SFXN5: variants seen among roughly 807,000 people sequenced by gnomAD.
The protein encoded by SFXN5 is sideroflexin 5, also known as sideroflexin-5.
SFXN5 carries 43 observed loss-of-function variants against 50.2 expected under a neutral mutation model. The observed-to-expected ratio is 0.86, with a 90% CI of 0.67 to 1.11. SFXN5 has a LOEUF of 1.11. Ranked by LOEUF, SFXN5 falls within the 50% of genes least tolerant of loss-of-function variation. The pLI, the probability that SFXN5 is intolerant of heterozygous loss-of-function variation, is 0.00. For synonymous variants in SFXN5, 203 were observed against 185.8 expected, an observed-to-expected ratio of 1.09 and a Z score of -0.75; for missense variants, 463 against 454.1, an observed-to-expected ratio of 1.02 and a Z score of -0.18.
At chr2:73,052,202 C>G (rs1437671654) in intron 2 of SFXN5, among the ~76,000 whole-genome samples, 2 of 152,112 alleles carry the variant, frequency 1.3e-5, no homozygotes, top group East Asian at 3.8e-4. Context: ...ATCCAGGAAG[C>G]CCTCGTTCCT....
chr2:73,066,264 A>C (rs994080326), intron 1 of SFXN5, among the ~76,000 whole-genome samples: 1 of 152,184 alleles, frequency 6.6e-6, no homozygotes, highest in African/African-American at 2.4e-5. Flanking sequence ...ACAGATTAAA[A>C]GATACAAAAG....
In SFXN5 at chr2:72,996,138, C is replaced by T. The variant is rs754366169; in HGVS notation, c.534+2811G>A. Among the ~76,000 whole-genome samples the T allele has an allele frequency of 3.0e-4, 45 of 152,248 alleles. 1 individual carries two copies. Among genetic ancestry groups the T allele is most frequent in the South Asian group, 2.1e-4 (1 of 4,818 alleles). On this transcript the variant is annotated intron_variant, in intron 9 of 13. Coordinates refer to ENST00000272433, the MANE Select transcript of SFXN5 (RefSeq NM_144579.3). ...ACACTAAGGGGACAGGGACACAGTG[C>T]GACTGAGTGTGAGTGGGGAGGACAG...
intron 13 of SFXN5, among the ~76,000 whole-genome samples, chr2:72,957,311 A>G (rs1471581584): frequency 6.6e-6 from 1 of 152,226 alleles, no homozygotes; most frequent in Non-Finnish European, 1.5e-5. Flanking sequence ...TCCAATAGAT[A>G]TCTGGCAAAT....
At chr2:72,987,646 T>C (rs1407238237) in intron 10 of SFXN5, among the ~76,000 whole-genome samples, 1 of 151,928 alleles carries the variant, frequency 6.6e-6, no homozygotes, top group Non-Finnish European at 1.5e-5. Context: ...TCCCAGCTAC[T>C]TGGGAGCCTG....
chr2:73,023,461 A>G (rs1426121389), intron 3 of SFXN5, among the ~76,000 whole-genome samples: 1 of 152,126 alleles, frequency 6.6e-6, no homozygotes, highest in Admixed American at 6.5e-5. Context: ...TTAAGCCAGG[A>G]ATTCTCAACT....
intron 10 of SFXN5, among the ~76,000 whole-genome samples, chr2:72,979,368 T>A (rs754833949): frequency 0.063 from 9,540 of 152,218 alleles, 379 homozygotes; most frequent in East Asian, 0.17. Flanking sequence ...GTGCAGTGGC[T>A]CATGCCTGTA....
intron 6 of SFXN5, among the ~76,000 whole-genome samples, chr2:73,008,456 C>G (rs920547972): frequency 3.9e-5 from 6 of 152,154 alleles, no homozygotes; most frequent in Admixed American, 2.6e-4. Flanking sequence ...GAGGGAAACC[C>G]AGGCCCTGGC....
chr2:73,059,337 G>C (rs763374361), intron 1 of SFXN5: 8 of 985,428 alleles, frequency 8.1e-6, no homozygotes, highest in Non-Finnish European at 9.6e-6. Flanking sequence ...TGCCAAGCTC[G>C]GGGATGAAGG....
chr2:73,059,708 A>G (rs986167143), intron 1 of SFXN5: 2 of 965,202 alleles, frequency 2.1e-6, no homozygotes, highest in Non-Finnish European at 2.4e-6. Context: ...GCTTTGGTCC[A>G]TTCCTAACAG....
intron 2 of SFXN5, among the ~76,000 whole-genome samples, chr2:73,046,123 T>C (rs114146751): frequency 0.011 from 1,731 of 152,274 alleles, 31 homozygotes; most frequent in African/African-American, 0.039. Flanking sequence ...AAAAGCGATA[T>C]GTTGGCCGGG....
chr2:73,004,492 A>G (rs112131781), intron 6 of SFXN5, among the ~76,000 whole-genome samples: 1,961 of 152,262 alleles, frequency 0.013, 34 homozygotes, highest in African/African-American at 0.043. Context: ...ACATCCAAAC[A>G]GGAGTTTAGG....
Position 73,055,355 on chromosome 2 carries a change from T to C in SFXN5, c.171+3173A>G, listed in dbSNP as rs189275836. Among the ~76,000 whole-genome samples the C allele has an allele frequency of 2.6e-5, 4 of 152,356 alleles. No homozygotes were observed. The East Asian group carries it at 7.7e-4, about 29-fold the overall frequency. On this transcript the variant is annotated intron_variant, in intron 2 of 13. Coordinates refer to ENST00000272433, the MANE Select transcript of SFXN5 (RefSeq NM_144579.3). ...GGCTCCATCACTTGCCAGAACCATA[T>C]GCATGAGGCTTAACTTCCAGTCTGT...
intron 9 of SFXN5, among the ~76,000 whole-genome samples, chr2:72,996,334 C>A (rs1359758071): frequency 6.6e-6 from 1 of 152,092 alleles, no homozygotes; most frequent in Non-Finnish European, 1.5e-5. Flanking sequence ...CTCTGGGAAC[C>A]CCAGAGGGCT....
chr2:73,040,595 C>T (rs966728039), intron 3 of SFXN5, among the ~76,000 whole-genome samples: 3 of 152,240 alleles, frequency 2.0e-5, no homozygotes, highest in Admixed American at 6.5e-5. Flanking sequence ...AATCAGCTCT[C>T]GCAAGCCAGT....
chr2:73,028,881 G>A (rs1157972759), intron 3 of SFXN5, among the ~76,000 whole-genome samples: 1 of 152,162 alleles, frequency 6.6e-6, no homozygotes, highest in East Asian at 1.9e-4. Flanking sequence ...AAAAGAGGGA[G>A]GGGACAAACC....
chr2:73,036,084 C>T (rs1025269125), intron 3 of SFXN5, among the ~76,000 whole-genome samples: 4 of 152,212 alleles, frequency 2.6e-5, no homozygotes, highest in African/African-American at 9.7e-5. Flanking sequence ...TGAGAGCAGG[C>T]GCAGAGCCCA....
chr2:72,968,080 C>T (rs1367728778), intron 12 of SFXN5, among the ~76,000 whole-genome samples: 1 of 151,020 alleles, frequency 6.6e-6, no homozygotes, highest in Non-Finnish European at 1.5e-5. Context: ...CACAAATGGT[C>T]CTGTACATAC....
rs190084184 is a variant in SFXN5, at chr2:72,985,998, C to T, written c.625+2260G>A. On this transcript the variant is annotated intron_variant, in intron 10 of 13. Transcript: ENST00000272433. ...GGCTAGGGACAGATTACATCTTGGC[C>T]GAATCCCAGATCCAGCCCAGTGCAG... 3.3e-4 allele frequency among the ~76,000 whole-genome samples: 51 copies of T among 152,320 alleles called. 1 individual carries two copies. The East Asian group carries it at 7.9e-3, about 24-fold the overall frequency.
At chr2:73,018,502 A>C (rs1676445042) in intron 6 of SFXN5, among the ~76,000 whole-genome samples, 1 of 152,236 alleles carries the variant, frequency 6.6e-6, no homozygotes, top group African/African-American at 2.4e-5. Context: ...AAATACTGAT[A>C]GTTTTAAGAA....
Sources: allele counts gnomAD v4.1 joint callset (sites outside exome capture counted in the v4.1 genomes callset), GRCh38; gene constraint gnomAD v4.1.1; transcripts MANE v1.5; gene names NCBI Gene and HGNC (gene_info 2026-07-23, HGNC 2026-07-21).